Variants in RAPH1 observed in about 807,000 individuals in gnomAD.
The protein encoded by RAPH1 is Ras association (RalGDS/AF-6) and pleckstrin homology domains 1, also known as ras-associated and pleckstrin homology domains-containing protein 1.
In RAPH1, 18 loss-of-function variants were observed where a neutral mutation model predicts 88.1. That is an observed-to-expected ratio of 0.20 (90% CI 0.14 to 0.30). RAPH1 has a LOEUF of 0.30. RAPH1 is among the 10% of genes least tolerant of loss of function. RAPH1 has a pLI of 1.00. For synonymous variants in RAPH1, 587 were observed against 559.0 expected, an observed-to-expected ratio of 1.05 and a Z score of -0.71; for missense variants, 1,448 against 1,543.2, an observed-to-expected ratio of 0.94 and a Z score of 1.03.
In RAPH1 at chr2:203,441,277, G is replaced by A; in HGVS notation, c.1913C>T (p.Pro638Leu). 8.2e-7 allele frequency: 1 copy of A among 1,215,230 alleles called. No homozygotes were observed. Among genetic ancestry groups the A allele is most frequent in the Non-Finnish European group, 1.1e-6 (1 of 916,936 alleles). 75.3% of individuals were successfully genotyped at this position (1,215,230 alleles called of 1,614,324 possible). ...AGGAGGGGGTGGTGGAGGGGGTGGT[G>A]GAGGAGGAGGTGGGGGTGGCGGAGG... ...LPPPPPPPPP[P>L]PPPPPPPPPP... The change falls in exon 14 of 14, where the codon CCA becomes CTA. Residue 638 changes from proline to leucine, a missense_variant. Coordinates refer to ENST00000319170, the MANE Select transcript of RAPH1 (RefSeq NM_213589.3).
chr2:203,472,080 CA>C (rs923532545), intron 4 of RAPH1, among the ~76,000 whole-genome samples: 2 of 150,528 alleles, frequency 1.3e-5, no homozygotes, highest in African/African-American at 4.9e-5. Context: ...AAACAAAGAA[CA>C]AAAAGCACAA....
rs1392775462 is a variant in RAPH1 at position 203,455,438 on chromosome 2, T to G, written c.1301A>C (p.Lys434Thr). 2 of 1,612,320 alleles carry G rather than the reference T, an allele frequency of 1.2e-6. No individual in the cohort carries two copies. Among genetic ancestry groups the G allele is most frequent in the Non-Finnish European group, 1.7e-6 (2 of 1,179,426 alleles). ...CAAATTCCAACAGAAGGGACACACC[T>G]TTGCTTTTCCTTTGGGAACATAGTA... ...GIYYVPKGKAKVSRDLVCFLQ... is the reference protein window; with the variant it reads ...GIYYVPKGKATVSRDLVCFLQ... The change falls in exon 9 of 14, where the codon AAG becomes ACG. Residue 434 changes from lysine (K) to threonine (T), a missense_variant and splice_region_variant. By Grantham distance (78) the Lys-to-Thr change is moderately conservative. Around this residue, in one of 2 missense-constraint regions of RAPH1, gnomAD observed 513 missense variants for 653.1 expected, o/e 0.79. Coordinates refer to ENST00000319170, the MANE Select transcript of RAPH1 (RefSeq NM_213589.3).
intron 4 of RAPH1, among the ~76,000 whole-genome samples, chr2:203,476,774 T>G (rs1249825691): frequency 6.6e-6 from 1 of 152,166 alleles, no homozygotes; most frequent in African/African-American, 2.4e-5. Context: ...CAATTCAATT[T>G]GTTAGTATCT....
intron 4 of RAPH1, among the ~76,000 whole-genome samples, chr2:203,486,033 T>A (rs1046239701): frequency 3.3e-5 from 5 of 149,554 alleles, no homozygotes; most frequent in Non-Finnish European, 7.4e-5. Flanking sequence ...ACTGGAAGAA[T>A]CTTCTCCAGA....
At chr2:203,510,096 A>C (rs1689269754) in intron 1 of RAPH1, among the ~76,000 whole-genome samples, 2 of 152,308 alleles carry the variant, frequency 1.3e-5, no homozygotes, top group South Asian at 2.1e-4. Flanking sequence ...CATACAACCA[A>C]AAAAGCTTCA....
Position 203,455,492 on chromosome 2 carries a change from C to T in RAPH1, c.1247G>A (p.Arg416His), listed in dbSNP as rs559564806. The change falls in exon 9 of 14, where the codon CGT (arginine) becomes CAT (histidine). Residue 416 changes from arginine (R) to histidine (H), a missense_variant. Transcript: ENST00000319170. ...KDDGKKSWKK[R>H]YFLLRASGIY... ...ACCAGATGCTCGCAAGAGAAAATAA[C>T]GCTTTTTCCAGGACTTCTTGCCATC... 3.2e-5 allele frequency: 51 copies of T among 1,613,902 alleles called. No individual in the cohort carries two copies. Among genetic ancestry groups the T allele is most frequent in the East Asian group, 2.0e-4 (9 of 44,850 alleles).
chr2:203,512,555 A>T (rs1439890127), intron 1 of RAPH1, among the ~76,000 whole-genome samples: 1 of 151,884 alleles, frequency 6.6e-6, no homozygotes, highest in Non-Finnish European at 1.5e-5. Flanking sequence ...TAGTCTAAAA[A>T]ACTTATTGAA....
chr2:203,477,230 A>G lies in RAPH1; in HGVS notation c.732+12354T>C, dbSNP rs1428015467. On this transcript the variant is annotated intron_variant, in intron 4 of 13. Coordinates refer to ENST00000319170, the MANE Select transcript of RAPH1 (RefSeq NM_213589.3). ...GGGCAGTTCTCATTACCATGCAGGA[A>G]GAGAAAAAGATCAATGAAGTGAAAC... 4 of 1,078,776 alleles carry G rather than the reference A, an allele frequency of 3.7e-6. No homozygotes were observed. The East Asian group carries it at 7.1e-5, about 19-fold the overall frequency. 66.8% of individuals were successfully genotyped at this position (1,078,776 alleles called of 1,614,324 possible).
At chr2:203,478,616 A>G (rs1357569104) in intron 4 of RAPH1, among the ~76,000 whole-genome samples, 2 of 151,930 alleles carry the variant, frequency 1.3e-5, no homozygotes, top group African/African-American at 4.8e-5. Context: ...CAGCCTCCTG[A>G]GTAGCTGGGA....
intron 4 of RAPH1, among the ~76,000 whole-genome samples, chr2:203,475,354 C>G (rs1687363388): frequency 6.6e-6 from 1 of 152,062 alleles, no homozygotes; most frequent in Admixed American, 6.6e-5. Flanking sequence ...TTGCAGTGAG[C>G]CAAGATCGCG....
At chr2:203,465,829 G>A (rs995837705) in intron 4 of RAPH1, among the ~76,000 whole-genome samples, 95 of 152,098 alleles carry the variant, frequency 6.2e-4, no homozygotes, top group African/African-American at 2.2e-3. Context: ...AGTAAACAGA[G>A]ATCACACCAC....
At chr2:203,508,692 G>T (rs1553630902) in intron 1 of RAPH1, among the ~76,000 whole-genome samples, 1 of 151,970 alleles carries the variant, frequency 6.6e-6, no homozygotes, top group South Asian at 2.1e-4. Context: ...AATAAATTAA[G>T]AAAGAGAGAG....
At chr2:203,464,518 G>T (rs2098526897) in intron 4 of RAPH1, among the ~76,000 whole-genome samples, 1 of 152,200 alleles carries the variant, frequency 6.6e-6, no homozygotes, top group Non-Finnish European at 1.5e-5. Context: ...TGATCTACCT[G>T]CCTAGACCTC....
At chr2:203,528,883 C>G (rs1217949384) in intron 1 of RAPH1, among the ~76,000 whole-genome samples, 2 of 145,516 alleles carry the variant, frequency 1.4e-5, no homozygotes, top group Non-Finnish European at 3.0e-5. Flanking sequence ...ATAAAGTAAA[C>G]ATTATTGGAA....
At chr2:203,441,599 G>A in intron 13 of RAPH1, 186 bp from the exon 14 acceptor site, 4 of 1,345,478 alleles carry the variant, frequency 3.0e-6, no homozygotes, top group Non-Finnish European at 3.8e-6. Flanking sequence ...GATTGTGCGG[G>A]CAAGAAGGAA....
intron 1 of RAPH1, among the ~76,000 whole-genome samples, chr2:203,525,730 T>C (rs932759452): frequency 6.6e-6 from 1 of 152,056 alleles, no homozygotes; most frequent in Non-Finnish European, 1.5e-5. Context: ...TGAGCTGAGA[T>C]TGGGCCACTG....
chr2:203,480,378 G>A (rs1387343430), intron 4 of RAPH1, among the ~76,000 whole-genome samples: 4 of 152,026 alleles, frequency 2.6e-5, no homozygotes, highest in South Asian at 2.1e-4. Context: ...GCAAAACGCC[G>A]TCTCTAAAAA....
intron 1 of RAPH1, among the ~76,000 whole-genome samples, chr2:203,503,588 C>G (rs1275437740): frequency 6.6e-6 from 1 of 152,150 alleles, no homozygotes; most frequent in Non-Finnish European, 1.5e-5. Context: ...GGTGGGGACA[C>G]AGCCAAACCA....
At chr2:203,529,716 C>T (rs1298019050) in intron 1 of RAPH1, among the ~76,000 whole-genome samples, 1 of 152,142 alleles carries the variant, frequency 6.6e-6, no homozygotes, top group Admixed American at 6.5e-5. Flanking sequence ...TAATACTGGG[C>T]CTACTGAATA....
Sources: allele counts gnomAD v4.1 joint callset (sites outside exome capture counted in the v4.1 genomes callset), GRCh38; gene constraint gnomAD v4.1.1; regional missense constraint gnomAD v4.1.1; transcripts MANE v1.5; gene names NCBI Gene and HGNC (gene_info 2026-07-23, HGNC 2026-07-21).